PTPRN2: variants seen among roughly 807,000 people sequenced by gnomAD.
PTPRN2 encodes protein tyrosine phosphatase receptor type N2, also known as receptor-type tyrosine-protein phosphatase N2.
In PTPRN2, 74 loss-of-function variants were observed where a neutral mutation model predicts 118.8. The ratio of observed to expected loss-of-function variants is 0.62; its 90% CI spans 0.52 to 0.76. The LOEUF is 0.76. Among genes scored for constraint, PTPRN2 ranks in the 30% least tolerant of loss-of-function variants. The probability of loss-of-function intolerance (pLI) is 0.00; values close to 1 mark genes in which losing one functional copy is unlikely to be tolerated. For synonymous variants in PTPRN2, 641 were observed against 608.0 expected, an observed-to-expected ratio of 1.05 and a Z score of -0.80; for missense variants, 1,481 against 1,394.4, an observed-to-expected ratio of 1.06 and a Z score of -0.99.
chr7:158,472,023 T>G (rs931254098), intron 2 of PTPRN2, among the ~76,000 whole-genome samples: 20 of 151,954 alleles, frequency 1.3e-4, no homozygotes, highest in African/African-American at 3.4e-4. Context: ...CCACGGTTCC[T>G]GCCCCACCAC....
intron 12 of PTPRN2, among the ~76,000 whole-genome samples, chr7:157,883,760 T>C (rs1367467266): frequency 7.0e-6 from 1 of 143,634 alleles, no homozygotes; most frequent in Non-Finnish European, 1.5e-5. Flanking sequence ...AAAATGACTG[T>C]CAGAGATCGG....
chr7:158,512,789 T>G (rs1823272659), intron 1 of PTPRN2, among the ~76,000 whole-genome samples: 1 of 152,164 alleles, frequency 6.6e-6, no homozygotes, highest in African/African-American at 2.4e-5. Flanking sequence ...GGAAGTGTTT[T>G]CAAAAAGCCA....
chr7:158,291,933 A>G (rs116738655), intron 3 of PTPRN2, among the ~76,000 whole-genome samples: 1,590 of 152,322 alleles, frequency 0.01, 30 homozygotes, highest in African/African-American at 0.036. Context: ...ATCAATTTGT[A>G]ATTATCTGCC....
In PTPRN2 at chr7:157,990,573, G is replaced by A. The variant is rs369052550; in HGVS notation, c.1723+90725C>T. On this transcript the variant is annotated intron_variant, in intron 11 of 22. Coordinates refer to ENST00000389418, the MANE Select transcript of PTPRN2 (RefSeq NM_002847.5). This position sits in a 1 kb window ranked among gnomAD's most constrained non-coding sequence, Gnocchi z 4.3. The stretch of plus-strand genomic sequence containing the variant: ...CAGGGGGAGAGCGACACAAGGCAAG[G>A]GAGGAGACATCGGTGGATGGGGGAG... Among the ~76,000 whole-genome samples the A allele has an allele frequency of 1.2e-4, 19 of 152,190 alleles. No individual in the cohort carries two copies. Among genetic ancestry groups the A allele is most frequent in the East Asian group, 3.9e-4 (2 of 5,178 alleles).
chr7:157,545,708 G>C (rs1798285537), intron 22 of PTPRN2, among the ~76,000 whole-genome samples: 1 of 152,104 alleles, frequency 6.6e-6, no homozygotes, highest in Admixed American at 6.6e-5. Flanking sequence ...GGAGGAAACA[G>C]CTCTCCTGAG....
At chr7:157,930,898 CG>C (rs1353845386) in intron 11 of PTPRN2, among the ~76,000 whole-genome samples, 6 of 142,494 alleles carry the variant, frequency 4.2e-5, no homozygotes, top group Admixed American at 2.2e-4. Context: ...AATTTTTTTT[CG>C]TTTTTTTTTG....
intron 12 of PTPRN2, among the ~76,000 whole-genome samples, chr7:157,724,555 A>G (rs1233132756): frequency 6.6e-6 from 1 of 152,218 alleles, no homozygotes; most frequent in Admixed American, 6.5e-5. Flanking sequence ...GAAATGTGCT[A>G]GGTTAGAGAC....
At chr7:158,387,103 C>T (rs1289574331) in intron 2 of PTPRN2, among the ~76,000 whole-genome samples, 4 of 152,208 alleles carry the variant, frequency 2.6e-5, no homozygotes, top group African/African-American at 7.2e-5. Flanking sequence ...GCCCAAATGC[C>T]TCTGAGGCCA....
chr7:158,122,835 T>C (rs1482443395), intron 9 of PTPRN2, among the ~76,000 whole-genome samples: 1 of 150,942 alleles, frequency 6.6e-6, no homozygotes, highest in Non-Finnish European at 1.5e-5. Flanking sequence ...CGGGGACCTG[T>C]TGCGACCTAC....
At chr7:158,566,127 T>A (rs1827652318) in intron 1 of PTPRN2, among the ~76,000 whole-genome samples, 1 of 151,834 alleles carries the variant, frequency 6.6e-6, no homozygotes, top group South Asian at 2.1e-4. Context: ...CCAAGGTGGG[T>A]GGATCACCTG....
At chr7:157,858,015 C>T (rs1809854336) in intron 12 of PTPRN2, among the ~76,000 whole-genome samples, 1 of 152,102 alleles carries the variant, frequency 6.6e-6, no homozygotes, top group African/African-American at 2.4e-5. Flanking sequence ...TGAAAAGAAA[C>T]ACGGCCTTTG....
intron 4 of PTPRN2, among the ~76,000 whole-genome samples, chr7:158,193,126 C>T (rs565477886): frequency 2.8e-4 from 42 of 152,322 alleles, no homozygotes; most frequent in African/African-American, 9.6e-4. Flanking sequence ...GCAGGGACGC[C>T]GGAGGCTAGA....
At chr7:157,597,362 G>T (rs1276107392) in intron 16 of PTPRN2, among the ~76,000 whole-genome samples, 2 of 152,020 alleles carry the variant, frequency 1.3e-5, no homozygotes, top group Non-Finnish European at 2.9e-5. Context: ...AATAAGTTTT[G>T]ATTTTTTGAA....
chr7:158,422,211 G>C (rs545798699), intron 2 of PTPRN2, among the ~76,000 whole-genome samples: 5 of 152,314 alleles, frequency 3.3e-5, no homozygotes, highest in African/African-American at 1.2e-4. Context: ...CTGAATTTCA[G>C]TCAACCTTTT....
chr7:157,947,130 A>T (rs1800536620), intron 11 of PTPRN2, among the ~76,000 whole-genome samples: 1 of 152,166 alleles, frequency 6.6e-6, no homozygotes, highest in African/African-American at 2.4e-5. Flanking sequence ...AGGGTGGGCA[A>T]CTGGGATGTG....
At chr7:158,439,392 C>T (rs1816816202) in intron 2 of PTPRN2, among the ~76,000 whole-genome samples, 1 of 152,096 alleles carries the variant, frequency 6.6e-6, no homozygotes, top group Non-Finnish European at 1.5e-5. Context: ...TTTGTGCTCA[C>T]AAGCCTTTGA....
rs189075923 is a variant in PTPRN2, at chr7:158,325,238, C to T, written c.164-8306G>A. On this transcript the variant is annotated intron_variant, in intron 2 of 22. Coordinates refer to ENST00000389418, the MANE Select transcript of PTPRN2 (RefSeq NM_002847.5). ...GGAGCATCTTCCTTCCACCAAACGC[C>T]GTGAACACGACCAGCTCCTGGGCAG... Among the ~76,000 whole-genome samples the T allele has an allele frequency of 2.6e-3, 403 of 152,090 alleles. 3 individuals carry two copies. The highest frequency in any genetic ancestry group is 9.0e-3 in the African/African-American group (374 of 41,334).
intron 2 of PTPRN2, among the ~76,000 whole-genome samples, chr7:158,470,983 A>T (rs746614565): frequency 2.0e-5 from 3 of 152,068 alleles, no homozygotes; most frequent in Non-Finnish European, 4.4e-5. Context: ...ACGTGCGTGC[A>T]CCACCATGCC....
intron 9 of PTPRN2, among the ~76,000 whole-genome samples, chr7:158,125,204 C>A (rs1817537462): frequency 6.7e-6 from 1 of 149,948 alleles, no homozygotes. Flanking sequence ...GGCCACCTCC[C>A]TGCCTGAAGT....
Sources: allele counts gnomAD v4.1 joint callset (sites outside exome capture counted in the v4.1 genomes callset), GRCh38; gene constraint gnomAD v4.1.1; non-coding constraint Gnocchi (gnomAD v3.1); transcripts MANE v1.5; gene names NCBI Gene and HGNC (gene_info 2026-07-23, HGNC 2026-07-21).